TEX101: variants seen among roughly 807,000 people sequenced by gnomAD.
The protein encoded by TEX101 is testis expressed 101, also known as testis-expressed protein 101.
Under a neutral mutation model 18.1 loss-of-function variants are expected in TEX101, and 10 were observed. The ratio of observed to expected loss-of-function variants is 0.55; its 90% confidence interval spans 0.34 to 0.94. The LOEUF is 0.94. Among genes scored for constraint, TEX101 ranks in the 40% least tolerant of loss-of-function variants. The pLI is 0.02. For missense variants in TEX101, 259 were observed against 298.9 expected, an observed-to-expected ratio of 0.87 and a Z score of 0.98; for synonymous variants, 94 against 114.8, an observed-to-expected ratio of 0.82 and a Z score of 1.16.
intron 4 of TEX101, 37 bp from the exon 5 acceptor site, chr19:43,417,841 G>C (rs1161199779): frequency 6.2e-7 from 1 of 1,612,484 alleles, no homozygotes; most frequent in Non-Finnish European, 8.5e-7. Flanking sequence ...TCTGGAGGCA[G>C]GACCTGCCCT....
chr19:43,406,900 G>A (rs1366083215), intron 3 of TEX101, among the ~76,000 whole-genome samples: 1 of 151,562 alleles, frequency 6.6e-6, no homozygotes, highest in African/African-American at 2.4e-5. Context: ...ATAGGAATGA[G>A]GCTTCTTTTT....
chr19:43,397,870 A>T (rs1204631535), upstream of TEX101, among the ~76,000 whole-genome samples: 14 of 91,902 alleles, frequency 1.5e-4, no homozygotes, highest in East Asian at 1.4e-3. Context: ...AATATATAAT[A>T]TATAAAAATA....
At chr19:43,417,807 G>T in intron 4 of TEX101, 71 bp from the exon 5 acceptor site, 1 of 1,590,468 alleles carries the variant, frequency 6.3e-7, no homozygotes, top group South Asian at 1.1e-5. Context: ...TCTTGGGGAA[G>T]AGAAGGCAGC....
chr19:43,418,498 A>C lies in TEX101; in HGVS notation c.*101A>C. On this transcript the variant is annotated 3_prime_UTR_variant, in exon 6 of 6. Transcript: ENST00000598265. ...TGAGGAGTAGATGGGAATTTGAGGG[A>C]GAATACAGAGATACTATGAACGTAT... 1 of 905,296 alleles carries C rather than the reference A, an allele frequency of 1.1e-6. No individual in the cohort carries two copies. Among genetic ancestry groups the C allele is most frequent in the African/African-American group, 1.7e-5 (1 of 60,288 alleles). 56.1% of individuals were successfully genotyped at this position (905,296 alleles called of 1,614,324 possible).
Position 43,414,991 on chromosome 19 carries a change from C to T in TEX101, c.-87C>T. 3.0e-6 allele frequency: 3 copies of T among 985,398 alleles called. No homozygotes were observed. Among genetic ancestry groups the T allele is most frequent in the Non-Finnish European group, 3.6e-6 (3 of 829,930 alleles). 61.0% of individuals were successfully genotyped at this position (985,398 alleles called of 1,614,324 possible). A position where few individuals can be genotyped will look rare whatever the true frequency, so the allele number is the denominator to read the frequency against. On this transcript the variant is annotated 5_prime_UTR_variant, in exon 1 of 6. Coordinates refer to ENST00000598265, the MANE Select transcript of TEX101 (RefSeq NM_001130011.3). ...CTGGAAGCCGGCAGCAATTTTGCTT[C>T]TTTAAAGAGAAAAAGAAGGCTAGGG...
chr19:43,397,657 A>C (rs2122309510), upstream of TEX101, among the ~76,000 whole-genome samples: 1 of 149,942 alleles, frequency 6.7e-6, no homozygotes, highest in South Asian at 2.1e-4. Flanking sequence ...GCCTCTCCCC[A>C]GAATGACTAG....
rs1362209923 is a variant in TEX101 at position 43,414,988 on chromosome 19, C to G, written c.-90C>G. 2 of 985,366 alleles carry G rather than the reference C, an allele frequency of 2.0e-6. No individual in the cohort carries two copies. Among genetic ancestry groups the G allele is most frequent in the Non-Finnish European group, 2.4e-6 (2 of 829,936 alleles). 61.0% of individuals were successfully genotyped at this position (985,366 alleles called of 1,614,324 possible). A position where few individuals can be genotyped will look rare whatever the true frequency, so the allele number is the denominator to read the frequency against. On this transcript the variant is annotated 5_prime_UTR_variant, in exon 1 of 6. Transcript: ENST00000598265. ...TGCCTGGAAGCCGGCAGCAATTTTG[C>G]TTCTTTAAAGAGAAAAAGAAGGCTA...
chr19:43,401,364 C>G (rs536330664), upstream of TEX101: 26 of 152,398 alleles, frequency 1.7e-4, no homozygotes, highest in Middle Eastern at 3.4e-3. Context: ...ACAGTCCTCA[C>G]AGAGTCACAC....
intron 2 of TEX101, among the ~76,000 whole-genome samples, chr19:43,405,439 G>A (rs375674855): frequency 6.6e-6 from 1 of 150,844 alleles, no homozygotes; most frequent in Non-Finnish European, 1.5e-5. Context: ...TTAGCCTGGC[G>A]AGGTGGCACA....
At chr19:43,413,779 C>T (rs181915596), upstream of TEX101, among the ~76,000 whole-genome samples, 369 of 152,000 alleles carry the variant, frequency 2.4e-3, no homozygotes, top group African/African-American at 8.2e-3. Flanking sequence ...ACGGCGAAAC[C>T]CCGTCTCTAC....
chr19:43,391,047 G>C, the TEX101 span, among the ~76,000 whole-genome samples: 9 of 152,274 alleles, frequency 5.9e-5, no homozygotes, highest in African/African-American at 2.2e-4. Context: ...AGAGCTCAAG[G>C]CTCATTCATG....
chr19:43,415,528 G>A (rs770493307), intron 1 of TEX101, among the ~76,000 whole-genome samples: 27 of 152,096 alleles, frequency 1.8e-4, no homozygotes, highest in Non-Finnish European at 2.9e-4. Flanking sequence ...ATGGGGGGAC[G>A]AGGCGGGCAG....
chr19:43,403,120 C>A (rs1247187197), intron 2 of TEX101, among the ~76,000 whole-genome samples: 1 of 152,174 alleles, frequency 6.6e-6, no homozygotes, highest in Non-Finnish European at 1.5e-5. Context: ...TCTTTAATAT[C>A]CCTCAGGTAG....
chr19:43,416,172 G>A lies in TEX101; in HGVS notation c.138G>A (p.Trp46Ter). The change falls in exon 3 of 6, where the codon TGG becomes TGA. Residue 46 changes from tryptophan to a stop codon, truncating the protein, a stop_gained. Transcript: ENST00000598265. LOFTEE classifies it high-confidence loss of function. ...CAGATCCAGCCAATATGTTTAACTG[G>A]ACCACAGAGGAAGTGGAGACTTGTG... Reference protein sequence around the residue: ...VEADPANMFNWTTEEVETCDK... With the variant: ...VEADPANMFN The A allele has an allele frequency of 6.2e-7, 1 of 1,613,990 alleles. No homozygotes were observed. The highest frequency in any genetic ancestry group is 8.5e-7 in the Non-Finnish European group (1 of 1,179,950).
At chr19:43,390,460 CTTTTTTTTTTTT>C in the TEX101 span, among the ~76,000 whole-genome samples, 5 of 49,856 alleles carry the variant, frequency 1.0e-4, no homozygotes, top group South Asian at 1.1e-3. Flanking sequence ...CTTTTTTTTT[CTTTTTTTTTTTT>C]TTTTTTTTTT....
the TEX101 span, among the ~76,000 whole-genome samples, chr19:43,395,332 G>A: frequency 9.2e-5 from 14 of 152,306 alleles, no homozygotes; most frequent in Admixed American, 6.5e-4. Flanking sequence ...AAGGCCTTAA[G>A]CTCAAAATAA....
chr19:43,390,374 T>G, the TEX101 span, among the ~76,000 whole-genome samples: 1 of 151,898 alleles, frequency 6.6e-6, no homozygotes, highest in Non-Finnish European at 1.5e-5. Flanking sequence ...TAGGAATTAT[T>G]GTAAATTATG....
intron 1 of TEX101, among the ~76,000 whole-genome samples, chr19:43,415,539 A>G (rs2122347477): frequency 6.6e-6 from 1 of 152,208 alleles, no homozygotes; most frequent in East Asian, 1.9e-4. Context: ...AGGCGGGCAG[A>G]TCACCTGAGA....
At chr19:43,406,662 A>G in intron 3 of TEX101, 1 of 574,274 alleles carries the variant, frequency 1.7e-6, no homozygotes, top group Non-Finnish European at 3.2e-6. Context: ...GGGCAGCGCT[A>G]GATGGGGAGA....
Sources: allele counts gnomAD v4.1 joint callset (sites outside exome capture counted in the v4.1 genomes callset), GRCh38; gene constraint gnomAD v4.1.1; transcripts MANE v1.5; gene names NCBI Gene and HGNC (gene_info 2026-07-23, HGNC 2026-07-21).